The following RHOC variants were observed in gnomAD, a reference collection of about 807,000 sequenced individuals.
RHOC encodes ras homolog family member C.
In RHOC, 13 loss-of-function variants were observed where a neutral mutation model predicts 19.5. The observed-to-expected ratio is 0.67, with a 90% CI of 0.43 to 1.06. RHOC has a LOEUF of 1.06. RHOC is among the 50% of genes least tolerant of loss of function. The pLI is 0.00. For synonymous variants in RHOC, 106 were observed against 97.3 expected, an observed-to-expected ratio of 1.09 and a Z score of -0.52; for missense variants, 173 against 256.9, an observed-to-expected ratio of 0.67 and a Z score of 2.23.
At chr1:112,701,758 A>G (rs771816458) in intron 5 of RHOC, 45 bp from the exon 6 acceptor site, 3 of 1,597,012 alleles carry the variant, frequency 1.9e-6, no homozygotes, top group South Asian at 2.2e-5. Flanking sequence ...TGTTGACTAC[A>G]TGAACCTCTC....
At position 112,703,914 on chromosome 1, in the gene RHOC, A is replaced by G. The variant is rs1674751596; in HGVS notation, c.-7-108T>C. ...AAACCGAGGCATCTAGCAAAGGGAC[A>G]GGGGGCTTGCTCAGGCATGTTCTGG... On this transcript the variant is annotated intron_variant, in intron 2 of 5. Coordinates refer to ENST00000339083, the MANE Select transcript of RHOC (RefSeq NM_175744.5). 3 of 1,013,496 alleles carry G rather than the reference A, an allele frequency of 3.0e-6. No individual in the cohort carries two copies. The African/African-American group carries it at 4.8e-5, about 16-fold the overall frequency. The allele number at this position is 1,013,496 out of a possible 1,614,324, so 62.8% of individuals were successfully genotyped here. A position where few individuals can be genotyped will look rare whatever the true frequency, so the allele number is the denominator to read the frequency against.
Position 112,701,364 on chromosome 1 carries a change from G to A in RHOC, c.*176C>T, listed in dbSNP as rs1570826141. ...AGGGCATAGGCGTGGCTCCCAGAGC[G>A]CTGGGAGGGAGGGCCCGTGCCACCA... is the stretch of plus-strand genomic sequence containing the variant. On this transcript the variant is annotated 3_prime_UTR_variant, in exon 6 of 6. Coordinates refer to ENST00000339083, the MANE Select transcript of RHOC (RefSeq NM_175744.5). 36 of 1,502,598 alleles carry A rather than the reference G, an allele frequency of 2.4e-5. No homozygotes were observed. The highest frequency in any genetic ancestry group is 2.8e-5 in the Non-Finnish European group (31 of 1,117,126). The allele number at this position is 1,502,598 out of a possible 1,614,324, so 93.1% of individuals were successfully genotyped here. A position where few individuals can be genotyped will look rare whatever the true frequency, so the allele number is the denominator to read the frequency against.
At chr1:112,703,456 G>C (rs570356261) in intron 3 of RHOC, 188 bp downstream of exon 3, 1 of 733,104 alleles carries the variant, frequency 1.4e-6, no homozygotes, top group Non-Finnish European at 2.4e-6. Flanking sequence ...TACAGAGCCA[G>C]TCTGTGGGAG....
At chr1:112,703,572 G>T in intron 3 of RHOC, 72 bp downstream of exon 3, 1 of 1,207,608 alleles carries the variant, frequency 8.3e-7, no homozygotes, top group Non-Finnish European at 1.2e-6. Flanking sequence ...AATGGGGAAG[G>T]ACATACTAGG....
At position 112,705,154 on chromosome 1, in the gene RHOC, G is replaced by C. The variant is rs1001988334; in HGVS notation, c.-62C>G. Reference sequence around the variant, plus strand: ...GGAAGAGAGGGCGGGCTCTGGAGCTGAGATGAAGTCAAGGCTGTTGGGAAG... The same window carrying C: ...GGAAGAGAGGGCGGGCTCTGGAGCTCAGATGAAGTCAAGGCTGTTGGGAAG... On this transcript the variant is annotated 5_prime_UTR_variant, in exon 2 of 6. Transcript: ENST00000339083. 2 of 702,352 alleles carry C rather than the reference G, an allele frequency of 2.8e-6. No homozygotes were observed. The highest frequency in any genetic ancestry group is 2.0e-5 in the Admixed American group (1 of 49,990). 43.5% of individuals were successfully genotyped at this position (702,352 alleles called of 1,614,324 possible).
In RHOC at chr1:112,706,432, C is replaced by T. The variant is rs868710621; in HGVS notation, c.-77+646G>A. ...TTTTCTCTCTCTCTCTCTCTCTCTA[C>T]ACACACACACACACACACACACACA... On this transcript the variant is annotated intron_variant, in intron 1 of 5. Coordinates refer to ENST00000339083, the MANE Select transcript of RHOC (RefSeq NM_175744.5). Among the ~76,000 whole-genome samples, 26 of 29,236 alleles carry T rather than the reference C, an allele frequency of 8.9e-4. 1 individual carries two copies. Among genetic ancestry groups the T allele is most frequent in the Non-Finnish European group, 1.2e-3 (16 of 12,804 alleles). 19.2% of individuals were successfully genotyped at this position (29,236 alleles called of 152,430 possible). A position where few individuals can be genotyped will look rare whatever the true frequency, so the allele number is the denominator to read the frequency against.
Position 112,701,569 on chromosome 1 carries a change from T to C in RHOC, c.553A>G (p.Lys185Glu). ...TRAGLQVRKN[K>E]RRRGCPIL Reference sequence around the variant, plus strand: ...AGAATGGGACAGCCCCTCCGACGCTTGTTCTTGCGGACCTGGAGGCCAGCC... The same window carrying C: ...AGAATGGGACAGCCCCTCCGACGCTCGTTCTTGCGGACCTGGAGGCCAGCC... Residue 185 changes from lysine to glutamate, a missense_variant, in exon 6 of 6, where the codon AAG (lysine) becomes GAG (glutamate). By Grantham distance (56) the Lys-to-Glu change is moderately conservative (BLOSUM62 1). Coordinates refer to ENST00000339083, the MANE Select transcript of RHOC (RefSeq NM_175744.5). 1 of 1,614,022 alleles carries C rather than the reference T, an allele frequency of 6.2e-7. No individual in the cohort carries two copies.
At chr1:112,704,588 A>G in intron 2 of RHOC, 1 of 171,482 alleles carries the variant, frequency 5.8e-6, no homozygotes, top group Non-Finnish European at 1.3e-5. Context: ...CCTCTTCGAC[A>G]TGTCACCTCA....
chr1:112,701,853 T>C, intron 5 of RHOC, 140 bp from the exon 6 acceptor site: 1 of 829,672 alleles, frequency 1.2e-6, no homozygotes, highest in Non-Finnish European at 1.9e-6. Context: ...CCAGCTACCC[T>C]GGGCAGCTTC....
chr1:112,703,528 C>T (rs1159295570), intron 3 of RHOC, 116 bp downstream of exon 3: 1 of 899,842 alleles, frequency 1.1e-6, no homozygotes, highest in Non-Finnish European at 1.8e-6. Flanking sequence ...TTTACTGGTT[C>T]CAGCAGGGAG....
Position 112,706,468 on chromosome 1 carries a change from A to AC in RHOC, c.-77+609dup, listed in dbSNP as rs1313377577. ...ACACACACACACACACACACACCACACACACACACACACACACACACACAC... is the reference window on the plus strand; with the variant it reads ...ACACACACACACACACACACACCACACCACACACACACACACACACACACAC... On this transcript the variant is annotated intron_variant, in intron 1 of 5. Coordinates refer to ENST00000339083, the MANE Select transcript of RHOC (RefSeq NM_175744.5). Among the ~76,000 whole-genome samples, 7 of 2,958 alleles carry AC rather than the reference A, an allele frequency of 2.4e-3. 1 individual carries two copies. Among genetic ancestry groups the AC allele is most frequent in the Non-Finnish European group, 4.2e-3 (4 of 952 alleles). The allele number at this position is 2,958 out of a possible 152,430, so 1.9% of individuals were successfully genotyped here.
At chr1:112,705,857 A>C (rs932096982) in intron 1 of RHOC, 4 of 356,150 alleles carry the variant, frequency 1.1e-5, no homozygotes, top group African/African-American at 4.3e-5. Context: ...TCCCCCCAGC[A>C]GGGTAATTCA....
Position 112,702,751 on chromosome 1 carries a change from T to TG in RHOC, c.278-59dup, listed in dbSNP as rs375094719. 880 of 1,605,448 alleles carry TG rather than the reference T, an allele frequency of 5.5e-4. 6 individuals carry two copies. The African/African-American group carries it at 7.6e-3, about 14-fold the overall frequency. On this transcript the variant is annotated intron_variant, in intron 4 of 5. Coordinates refer to ENST00000339083, the MANE Select transcript of RHOC (RefSeq NM_175744.5). ...CTCCACTTAAGCTAGAAAGCTCCCC[T>TG]GGGGGGGCCCTCATCTTCCCAGAGC...
At chr1:112,706,430 T>TCTCCACAC (rs1491269480) in intron 1 of RHOC, among the ~76,000 whole-genome samples, 8 of 49,698 alleles carry the variant, frequency 1.6e-4, no homozygotes, top group African/African-American at 6.9e-4. Context: ...TCTCTCTCTC[T>TCTCCACAC]ACACACACAC....
chr1:112,701,763 C>G, intron 5 of RHOC, 50 bp from the exon 6 acceptor site: 1 of 1,579,684 alleles, frequency 6.3e-7, no homozygotes, highest in Non-Finnish European at 8.7e-7. Flanking sequence ...ACTACATGAA[C>G]CTCTCCTGCC....
intron 5 of RHOC, among the ~76,000 whole-genome samples, chr1:112,701,967 T>C (rs1053035945): frequency 1.3e-5 from 2 of 152,066 alleles, no homozygotes; most frequent in Non-Finnish European, 1.5e-5. Flanking sequence ...AATGAGCGTC[T>C]CCCACCTCCT....
intron 2 of RHOC, chr1:112,704,863 GTGAC>G (rs1674785871): frequency 3.5e-6 from 2 of 575,286 alleles, no homozygotes; most frequent in South Asian, 2.0e-5. Context: ...CCACAGCACA[GTGAC>G]TGAGAAGAAT....
chr1:112,701,767 T>C, intron 5 of RHOC, 54 bp from the exon 6 acceptor site: 1 of 1,579,728 alleles, frequency 6.3e-7, no homozygotes, highest in African/African-American at 1.3e-5. Context: ...CATGAACCTC[T>C]CCTGCCTCAC....
At position 112,703,706 on chromosome 1, in the gene RHOC, C is replaced by G; in HGVS notation, c.94G>C (p.Glu32Gln). ...LIVFSKDQFP[E>Q]VYVPTVFENY... is the part of the protein sequence containing the mutation. ...TCAAAGACAGTAGGGACGTAGACCT[C>G]CGGAAACTGATCCTTGCTGAAGACG... The change falls in exon 3 of 6, where the codon GAG becomes CAG. Residue 32 changes from glutamate (E) to glutamine (Q), a missense_variant. Physicochemically the swap from Glu to Gln is conservative, Grantham distance 29. Transcript: ENST00000339083. 1 of 1,613,574 alleles carries G rather than the reference C, an allele frequency of 6.2e-7. No individual in the cohort carries two copies. The highest frequency in any genetic ancestry group is 8.5e-7 in the Non-Finnish European group (1 of 1,179,872).
Sources: gnomAD v4.1 joint callset for allele counts (sites outside exome capture counted in the v4.1 genomes callset) on GRCh38, gnomAD v4.1.1 for gene constraint, MANE v1.5 for transcripts, NCBI Gene and HGNC (gene_info 2026-07-23, HGNC 2026-07-21) for gene names.